MAP3K20: variants seen among roughly 807,000 people sequenced by gnomAD.
The protein encoded by MAP3K20 is mitogen-activated protein kinase kinase kinase 20.
A neutral mutation model predicts 85.7 loss-of-function variants in MAP3K20; 40 were observed. That is an observed-to-expected ratio of 0.47 (90% CI 0.36 to 0.61). The LOEUF (loss-of-function observed/expected upper bound fraction) is 0.61, where lower values mean the gene tolerates loss of function less well. MAP3K20 is among the 20% of genes least tolerant of loss of function. MAP3K20 has a pLI of 0.00. For synonymous variants in MAP3K20, 325 were observed against 327.7 expected, an observed-to-expected ratio of 0.99 and a Z score of 0.09; for missense variants, 817 against 961.7, an observed-to-expected ratio of 0.85 and a Z score of 1.99.
At chr2:173,256,880 A>G (rs1193175677) in intron 16 of MAP3K20, among the ~76,000 whole-genome samples, 1 of 152,156 alleles carries the variant, frequency 6.6e-6, no homozygotes, top group Non-Finnish European at 1.5e-5. Flanking sequence ...GTTCAGGTGC[A>G]GTGGCTTACA....
intron 11 of MAP3K20, among the ~76,000 whole-genome samples, chr2:173,218,020 T>C (rs1254775589): frequency 6.6e-6 from 1 of 152,180 alleles, no homozygotes; most frequent in Non-Finnish European, 1.5e-5. Context: ...ATAATTGTTT[T>C]TTTTCCCAGG....
intron 10 of MAP3K20, among the ~76,000 whole-genome samples, chr2:173,213,407 C>G (rs7567355): frequency 0.17 from 25,506 of 152,148 alleles, 2,378 homozygotes; most frequent in South Asian, 0.29. Context: ...ACCAGTAAAC[C>G]ACAGTTTGAG....
intron 9 of MAP3K20, chr2:173,207,530 A>G (rs1683728878): frequency 6.6e-6 from 1 of 152,236 alleles, no homozygotes; most frequent in South Asian, 2.1e-4. Flanking sequence ...TAAGTTCAAT[A>G]GGAAGTAGTA....
At chr2:173,076,533 G>T (rs540916910) in intron 1 of MAP3K20, among the ~76,000 whole-genome samples, 126 of 152,340 alleles carry the variant, frequency 8.3e-4, no homozygotes, top group African/African-American at 2.9e-3. Flanking sequence ...CTAAGAACTC[G>T]ACCGCGAGCG....
chr2:173,154,659 CTTT>C (rs1290561446), intron 2 of MAP3K20, among the ~76,000 whole-genome samples: 1 of 152,050 alleles, frequency 6.6e-6, no homozygotes, highest in Non-Finnish European at 1.5e-5. Context: ...GAGTTTATTT[CTTT>C]TTATTTGACT....
intron 2 of MAP3K20, among the ~76,000 whole-genome samples, chr2:173,165,516 G>A (rs938460216): frequency 5.3e-5 from 8 of 152,142 alleles, no homozygotes; most frequent in African/African-American, 1.9e-4. Flanking sequence ...TACTTAGACC[G>A]TAGTTTGTAT....
chr2:173,265,491 T>C (rs1360582845), intron 19 of MAP3K20, among the ~76,000 whole-genome samples: 1 of 152,244 alleles, frequency 6.6e-6, no homozygotes, highest in Non-Finnish European at 1.5e-5. Context: ...GTGAACGGTC[T>C]TTCTTCCAAA....
At chr2:173,223,364 A>G (rs1367940841) in intron 11 of MAP3K20, 1 of 880,014 alleles carries the variant, frequency 1.1e-6, no homozygotes, top group African/African-American at 1.8e-5. Context: ...ACTTGAAAGG[A>G]TCATTGTGCG....
chr2:173,134,416 A>T (rs865871465), intron 2 of MAP3K20, among the ~76,000 whole-genome samples: 785 of 6,226 alleles, frequency 0.13, 69 homozygotes, highest in Non-Finnish European at 0.21. Context: ...ATATATATAT[A>T]TATATATATA....
At chr2:173,253,931 C>T (rs991720786) in intron 16 of MAP3K20, among the ~76,000 whole-genome samples, 1 of 151,926 alleles carries the variant, frequency 6.6e-6, no homozygotes, top group Admixed American at 6.6e-5. Context: ...ATTAGCCGGG[C>T]ATGGTGACAC....
At chr2:173,089,936 A>C (rs1330540286) in intron 1 of MAP3K20, among the ~76,000 whole-genome samples, 5 of 152,302 alleles carry the variant, frequency 3.3e-5, no homozygotes, top group Middle Eastern at 6.8e-3. Context: ...ACAAAAAAAA[A>C]CTTTCATGAC....
In MAP3K20 at chr2:173,232,309, A is replaced by T. The variant is rs1369009011; in HGVS notation, c.1064-11A>T. ...TCTAATTTTATTCTGCTTTCTAATC[A>T]CTTCCTTCAGGTGACTCTTCAGCAG... is the stretch of plus-strand genomic sequence containing the variant. On this transcript the variant is annotated splice_polypyrimidine_tract_variant and intron_variant, in intron 13 of 19. Transcript: ENST00000375213. 5.0e-6 allele frequency: 8 copies of T among 1,614,106 alleles called. No individual in the cohort carries two copies. The East Asian group carries it at 1.8e-4, about 36-fold the overall frequency.
chr2:173,217,160 T>G lies in MAP3K20; in HGVS notation c.897T>G (p.Arg299=). 1 of 1,604,796 alleles carries G rather than the reference T, an allele frequency of 6.2e-7. No individual in the cohort carries two copies. The highest frequency in any genetic ancestry group is 8.5e-7 in the Non-Finnish European group (1 of 1,175,500). ...TTGAGAGGCTAAAGAAACTAGAGCGTGATCTCAGCTTTAAGGAGCAGGAGC... is the reference window on the plus strand; with the variant it reads ...TTGAGAGGCTAAAGAAACTAGAGCGGGATCTCAGCTTTAAGGAGCAGGAGC... ...ATLERLKKLE[R]DLSFKEQELK... is the part of the protein sequence containing the mutation. The change falls in exon 11 of 20, where the codon CGT becomes CGG. Residue 299 remains arginine, a synonymous_variant. Transcript: ENST00000375213.
intron 2 of MAP3K20, among the ~76,000 whole-genome samples, chr2:173,150,369 A>G (rs1307058539): frequency 1.3e-5 from 2 of 152,188 alleles, no homozygotes; most frequent in Non-Finnish European, 2.9e-5. Flanking sequence ...GCAGGATGAC[A>G]TGTGTTCTAA....
intron 2 of MAP3K20, among the ~76,000 whole-genome samples, chr2:173,168,954 C>G (rs542653575): frequency 6.6e-6 from 1 of 152,022 alleles, no homozygotes; most frequent in Non-Finnish European, 1.5e-5. Context: ...ATATTTAACA[C>G]GTTTCAAAAT....
intron 2 of MAP3K20, chr2:173,166,572 T>C (rs1689829471): frequency 6.6e-6 from 1 of 152,220 alleles, no homozygotes; most frequent in African/African-American, 2.4e-5. Flanking sequence ...AACTCTCATA[T>C]ACAGGTAAAT....
At chr2:173,090,842 C>G in intron 1 of MAP3K20, 156 bp from the exon 2 acceptor site, 2 of 1,295,730 alleles carry the variant, frequency 1.5e-6, no homozygotes, top group Non-Finnish European at 2.0e-6. Context: ...TGAGTGTTTT[C>G]GAATTGTTTA....
rs1559296889 is a variant in MAP3K20 at position 173,243,901 on chromosome 2, CAGGCGTGAG to C, written c.1359+4406_1359+4414del. On this transcript the variant is annotated intron_variant, in intron 16 of 19. Coordinates refer to ENST00000375213, the MANE Select transcript of MAP3K20 (RefSeq NM_016653.3). ...TCGGCCTCCCAAAGTGCTGGGATTA[CAGGCGTGAG>C]TCACTGCGCCCGGCCCAGATTTACG... 9.2e-5 allele frequency among the ~76,000 whole-genome samples: 14 copies of C among 152,316 alleles called. No individual in the cohort carries two copies. In the East Asian group the frequency reaches 1.9e-3, roughly 21 times the overall value.
intron 2 of MAP3K20, among the ~76,000 whole-genome samples, chr2:173,110,377 C>A (rs1456639887): frequency 6.8e-6 from 1 of 146,462 alleles, no homozygotes. Flanking sequence ...CCTTAGCTTC[C>A]TGAGTAGCTG....
Sources: gnomAD v4.1 joint callset for allele counts (sites outside exome capture counted in the v4.1 genomes callset) on GRCh38, gnomAD v4.1.1 for gene constraint, MANE v1.5 for transcripts, NCBI Gene and HGNC (gene_info 2026-07-23, HGNC 2026-07-21) for gene names.